PEX7: variants seen among roughly 807,000 people sequenced by gnomAD.
PEX7 encodes the protein peroxisomal biogenesis factor 7, also known as PTS2 receptor.
A neutral mutation model predicts 47.5 loss-of-function variants in PEX7; 34 were observed. The ratio of observed to expected loss-of-function variants is 0.72; its 90% CI spans 0.54 to 0.95. The LOEUF is 0.95. PEX7 is among the 40% of genes least tolerant of loss of function. PEX7 has a pLI of 0.00. For missense variants in PEX7, 394 were observed against 400.3 expected (o/e 0.98, Z 0.13); for synonymous variants, 141 against 148.8 (o/e 0.95, Z 0.38).
chr6:136,831,847 C>G (rs1034640239), intron 3 of PEX7, among the ~76,000 whole-genome samples: 1 of 152,198 alleles, frequency 6.6e-6, no homozygotes, highest in African/African-American at 2.4e-5. Flanking sequence ...GCAGCTCTAC[C>G]CTTGTAGCTC....
At chr6:136,881,680 G>A (rs921200378) in intron 8 of PEX7, among the ~76,000 whole-genome samples, 1 of 152,172 alleles carries the variant, frequency 6.6e-6, no homozygotes, top group Non-Finnish European at 1.5e-5. Context: ...AAAATGCCTT[G>A]TTCTCAGGAA....
At chr6:136,911,800 A>G (rs559516806) in intron 9 of PEX7, among the ~76,000 whole-genome samples, 1 of 152,256 alleles carries the variant, frequency 6.6e-6, no homozygotes, top group Admixed American at 6.5e-5. Flanking sequence ...TTCTTGGACA[A>G]ATATCTGGGA....
intron 3 of PEX7, among the ~76,000 whole-genome samples, chr6:136,841,773 C>T (rs547349583): frequency 1.1e-3 from 174 of 151,950 alleles, no homozygotes; most frequent in African/African-American, 3.4e-3. Context: ...TTTATAGAGA[C>T]GGGGGTCTCG....
chr6:136,835,984 GTC>G (rs1774378638), intron 3 of PEX7, among the ~76,000 whole-genome samples: 1 of 152,164 alleles, frequency 6.6e-6, no homozygotes, highest in South Asian at 2.1e-4. Flanking sequence ...TATATCTGTA[GTC>G]TCTCTCATAC....
At chr6:136,838,408 CA>C (rs1774434434) in intron 3 of PEX7, among the ~76,000 whole-genome samples, 1 of 152,100 alleles carries the variant, frequency 6.6e-6, no homozygotes, top group Non-Finnish European at 1.5e-5. Flanking sequence ...GTTTTTTCAA[CA>C]AGTAAATGTT....
intron 5 of PEX7, among the ~76,000 whole-genome samples, chr6:136,851,080 A>G (rs1403295186): frequency 1.1e-5 from 1 of 92,128 alleles, no homozygotes; most frequent in African/African-American, 4.5e-5. Flanking sequence ...TACATGTGCC[A>G]TGCTGGTGCG....
At chr6:136,852,283 C>T (rs1159185749) in intron 5 of PEX7, among the ~76,000 whole-genome samples, 1 of 151,048 alleles carries the variant, frequency 6.6e-6, no homozygotes, top group Non-Finnish European at 1.5e-5. Flanking sequence ...CGCTCCTATT[C>T]AACATAGTGT....
chr6:136,907,061 C>G lies in PEX7; in HGVS notation c.904-6397C>G, dbSNP rs538006246. Among the ~76,000 whole-genome samples the G allele has an allele frequency of 2.6e-5, 4 of 152,218 alleles. No individual in the cohort carries two copies. In the East Asian group the frequency reaches 7.7e-4, roughly 29 times the overall value. On this transcript the variant is annotated intron_variant, in intron 9 of 9. Transcript: ENST00000318471. ...GTCATATCCATGTTTTTACCCGTTT[C>G]TCTTGCTCTCCTCCGCCTCTGCCTA...
rs940078866 is a variant in PEX7 at position 136,860,028 on chromosome 6, G to GA, written c.527-6590dup. Among the ~76,000 whole-genome samples, 6 of 149,218 alleles carry GA rather than the reference G, an allele frequency of 4.0e-5. No homozygotes were observed. The South Asian group carries it at 6.4e-4, about 16-fold the overall frequency. ...ACTCTGTCTCAGAAAAAAAAAAAAA[G>GA]AAAAAAAAATTCACTGGTTCTGTCA... On this transcript the variant is annotated intron_variant, in intron 5 of 9. Transcript: ENST00000318471.
chr6:136,852,158 C>T (rs1249722228), intron 5 of PEX7, among the ~76,000 whole-genome samples: 1 of 150,090 alleles, frequency 6.7e-6, no homozygotes, highest in Admixed American at 6.7e-5. Flanking sequence ...ATCTTTAATC[C>T]ATCTTGAATT....
chr6:136,829,807 G>A (rs1774261368), intron 3 of PEX7, among the ~76,000 whole-genome samples: 1 of 152,146 alleles, frequency 6.6e-6, no homozygotes, highest in African/African-American at 2.4e-5. Flanking sequence ...GTGTGGTGGT[G>A]CACACCTGTA....
chr6:136,868,770 T>A (rs1234026781), intron 6 of PEX7, among the ~76,000 whole-genome samples: 1 of 151,344 alleles, frequency 6.6e-6, no homozygotes, highest in East Asian at 2.0e-4. Flanking sequence ...ATTGCTGTTC[T>A]GAGTTATGTG....
chr6:136,866,733 G>A lies in PEX7; in HGVS notation c.633G>A (p.Glu211=). The change falls in exon 6 of 10, where the codon GAG becomes GAA. Residue 211 remains glutamate, a splice_region_variant and synonymous_variant. Transcript: ENST00000318471. Reference sequence around the variant, plus strand: ...GTTGTGACTGGTGTAAATACAATGAGGTATAGTGTATGGCTCTATCCTATG... The same window carrying A: ...GTTGTGACTGGTGTAAATACAATGAAGTATAGTGTATGGCTCTATCCTATG... ...ILSCDWCKYN[E]NLLVTGAVDC... is the part of the protein sequence containing the mutation. 1 of 1,608,376 alleles carries A rather than the reference G, an allele frequency of 6.2e-7. No homozygotes were observed. Among genetic ancestry groups the A allele is most frequent in the East Asian group, 2.2e-5 (1 of 44,802 alleles).
chr6:136,876,858 A>G (rs1240441056), intron 8 of PEX7, among the ~76,000 whole-genome samples: 2 of 152,226 alleles, frequency 1.3e-5, no homozygotes, highest in Non-Finnish European at 2.9e-5. Flanking sequence ...ATACCCAGTA[A>G]TGGGATTGCT....
intron 4 of PEX7, 66 bp downstream of exon 4, chr6:136,845,758 T>C: frequency 2.0e-6 from 2 of 1,017,754 alleles, no homozygotes; most frequent in Non-Finnish European, 3.1e-6. Context: ...TAAATTTTCT[T>C]CTCTTTTTCC....
intron 3 of PEX7, among the ~76,000 whole-genome samples, chr6:136,833,719 C>T (rs985689236): frequency 2.6e-5 from 4 of 152,200 alleles, no homozygotes; most frequent in Non-Finnish European, 4.4e-5. Context: ...AGTTAGATGT[C>T]ACTTGAATCA....
rs535365262 is a variant in PEX7, at chr6:136,828,217, A to G, written c.339+1748A>G. The stretch of plus-strand genomic sequence containing the variant: ...GGTTGATGGCTACTTTAGTATGTAC[A>G]TTTATTTGTTTTTAGTGTACATTGA... On this transcript the variant is annotated intron_variant, in intron 3 of 9. Transcript: ENST00000318471. Among the ~76,000 whole-genome samples, 51 of 152,320 alleles carry G rather than the reference A, an allele frequency of 3.3e-4. 1 individual carries two copies. Among genetic ancestry groups the G allele is most frequent in the African/African-American group, 1.2e-3 (48 of 41,576 alleles).
chr6:136,873,837 G>A (rs986889718), intron 8 of PEX7, among the ~76,000 whole-genome samples: 1 of 152,060 alleles, frequency 6.6e-6, no homozygotes, highest in Non-Finnish European at 1.5e-5. Context: ...AATTAGGAAT[G>A]GGTCTTAAGT....
chr6:136,908,808 G>C (rs1379451573), intron 9 of PEX7, among the ~76,000 whole-genome samples: 2 of 152,150 alleles, frequency 1.3e-5, no homozygotes, highest in African/African-American at 4.8e-5. Context: ...AAAACTTTCA[G>C]TTCTTCACTT....
Sources: allele counts gnomAD v4.1 joint callset (sites outside exome capture counted in the v4.1 genomes callset), GRCh38; gene constraint gnomAD v4.1.1; transcripts MANE v1.5; gene names NCBI Gene and HGNC (gene_info 2026-07-23, HGNC 2026-07-21).